The following RAB36 variants were observed in gnomAD, a reference collection of about 807,000 sequenced individuals.
The protein encoded by RAB36 is RAB36, member RAS oncogene family, also known as ras-related protein Rab-36.
Under a neutral mutation model 39.3 loss-of-function variants are expected in RAB36, and 33 were observed. The ratio of observed to expected loss-of-function variants is 0.84; its 90% CI spans 0.64 to 1.12. The LOEUF (loss-of-function observed/expected upper bound fraction) is 1.12, where lower values mean the gene tolerates loss of function less well. Among genes scored for constraint, RAB36 ranks in the 50% most tolerant of loss-of-function variants. The pLI is 0.00. For synonymous variants in RAB36, 133 were observed against 140.2 expected (o/e 0.95, Z 0.36); for missense variants, 308 against 355.3 (o/e 0.87, Z 1.07).
chr22:23,157,441 A>C (rs1292502546), intron 6 of RAB36, among the ~76,000 whole-genome samples: 1 of 151,940 alleles, frequency 6.6e-6, no homozygotes, highest in Non-Finnish European at 1.5e-5. Flanking sequence ...GTGTATTTTT[A>C]GTAGAGACGG....
At chr22:23,145,897 A>C (rs2070743487) in intron 1 of RAB36, 1 of 841,062 alleles carries the variant, frequency 1.2e-6, no homozygotes, top group South Asian at 5.4e-5. Context: ...TTTTCAGGGA[A>C]AAGGCCTAGT....
At chr22:23,154,724 A>G (rs1220709407) in intron 5 of RAB36, among the ~76,000 whole-genome samples, 1 of 152,218 alleles carries the variant, frequency 6.6e-6, no homozygotes, top group Non-Finnish European at 1.5e-5. Flanking sequence ...TCTCTAGGCC[A>G]CCACCACCAG....
In RAB36 at chr22:23,145,506, A is replaced by C; in HGVS notation, c.-58A>C. 2 of 1,606,010 alleles carry C rather than the reference A, an allele frequency of 1.2e-6. No homozygotes were observed. The highest frequency in any genetic ancestry group is 2.2e-5 in the East Asian group (1 of 44,874). ...CCATGGTGATCGCCGCCGCTGGCTC[A>C]GGCGGACCAGGCCGCGCGGAGCCCC... On this transcript the variant is annotated 5_prime_UTR_variant, in exon 1 of 11. Transcript: ENST00000263116.
chr22:23,146,726 A>G, intron 2 of RAB36, 41 bp downstream of exon 2: 1 of 1,607,120 alleles, frequency 6.2e-7, no homozygotes, highest in South Asian at 1.1e-5. Flanking sequence ...CTGGCCCTGC[A>G]GCCACATCAG....
At chr22:23,155,122 C>T (rs2071382261) in intron 5 of RAB36, among the ~76,000 whole-genome samples, 2 of 151,968 alleles carry the variant, frequency 1.3e-5, no homozygotes, top group African/African-American at 4.8e-5. Flanking sequence ...CGAAACTCCA[C>T]CTCAAAAAAA....
At position 23,165,069 on chromosome 22, in the gene RAB36, G is replaced by C. The variant is rs534027915; in HGVS notation, c.*3505G>C. ...GCACTTGATACCTTGAGTGTGATTGGTCACATCTGGGCTTTCTCCCCCACC... is the reference window on the plus strand; with the variant it reads ...GCACTTGATACCTTGAGTGTGATTGCTCACATCTGGGCTTTCTCCCCCACC... On this transcript the variant is annotated 3_prime_UTR_variant, in exon 11 of 11. Transcript: ENST00000263116. 6.6e-6 allele frequency among the ~76,000 whole-genome samples: 1 copy of C among 152,128 alleles called. No homozygotes were observed. Among genetic ancestry groups the C allele is most frequent in the Non-Finnish European group, 1.5e-5 (1 of 68,036 alleles).
At chr22:23,167,876 G>A (rs1203219275), downstream of RAB36, among the ~76,000 whole-genome samples, 3 of 151,654 alleles carry the variant, frequency 2.0e-5, no homozygotes, top group Admixed American at 6.6e-5. Context: ...TTTTTGAGAT[G>A]GGGTCTCGCA....
intron 1 of RAB36, chr22:23,145,817 C>A (rs2070735945): frequency 6.1e-6 from 2 of 329,306 alleles, no homozygotes; most frequent in South Asian, 1.2e-4. Context: ...GGAGAGGAGT[C>A]CGGACAGAAA....
chr22:23,159,282 G>T (rs1166278040), intron 9 of RAB36, 29 bp downstream of exon 9: 1 of 1,552,502 alleles, frequency 6.4e-7, no homozygotes. Context: ...TCACCATGGT[G>T]GGGCAGAGCC....
chr22:23,169,013 G>A (rs12160027), downstream of RAB36, among the ~76,000 whole-genome samples: 755 of 152,214 alleles, frequency 5.0e-3, 7 homozygotes, highest in African/African-American at 0.017. Context: ...CAGCAATTTC[G>A]CCTCCTGTGA....
intron 5 of RAB36, among the ~76,000 whole-genome samples, chr22:23,154,618 T>C (rs2071356504): frequency 6.6e-6 from 1 of 152,122 alleles, no homozygotes; most frequent in Non-Finnish European, 1.5e-5. Flanking sequence ...ACAGGCCATA[T>C]CTCATTAGAG....
rs189513049 is a variant in RAB36 at position 23,157,423 on chromosome 22, T to G, written c.395-569T>G. Among the ~76,000 whole-genome samples the G allele has an allele frequency of 2.9e-3, 439 of 152,032 alleles. 4 individuals are homozygous for G. The highest frequency in any genetic ancestry group is 7.3e-3 in the African/African-American group (301 of 41,452). On this transcript the variant is annotated intron_variant, in intron 6 of 10. Transcript: ENST00000263116. ...CGGCTACCACACCCAGCTAATTTTT[T>G]TGTGTGTGTGTATTTTTAGTAGAGA...
chr22:23,158,971 G>T lies in RAB36; in HGVS notation c.520G>T (p.Asp174Tyr), dbSNP rs1193676565. Residue 174 changes from aspartate to tyrosine, a missense_variant, in exon 8 of 11, where the codon GAC (aspartate) becomes TAC (tyrosine). Coordinates refer to ENST00000263116, the MANE Select transcript of RAB36 (RefSeq NM_004914.5). ...CFIFLVGTKKDLLSGAACEQA... is the reference protein window; with the variant it reads ...CFIFLVGTKKYLLSGAACEQA... ...CATCTTCCTCGTGGGAACCAAGAAG[G>T]ACCTTCTGGTGAGCAGAGTGGCACT... 1.9e-6 allele frequency: 3 copies of T among 1,614,048 alleles called. No homozygotes were observed. The highest frequency in any genetic ancestry group is 4.5e-5 in the East Asian group (2 of 44,896).
chr22:23,158,545 T>G (rs1397030983), intron 7 of RAB36, among the ~76,000 whole-genome samples: 2 of 152,224 alleles, frequency 1.3e-5, no homozygotes, highest in African/African-American at 4.8e-5. Flanking sequence ...TACCTTGGTC[T>G]GGGGCATTCA....
At chr22:23,152,277 C>T (rs774445448) in intron 3 of RAB36, among the ~76,000 whole-genome samples, 184 bp from the exon 4 acceptor site, 29 of 152,194 alleles carry the variant, frequency 1.9e-4, no homozygotes, top group Admixed American at 1.1e-3. Flanking sequence ...GAGTCTCCAG[C>T]CTCTCCCGTC....
In RAB36 at chr22:23,150,007, G is replaced by A. The variant is rs945573909; in HGVS notation, c.70-56G>A. ...TCATCTCCCCTCACTGCTTGGCTAC[G>A]AGGGCGGAGCCACAGCTTTGCAGGA... On this transcript the variant is annotated intron_variant, in intron 2 of 10. Coordinates refer to ENST00000263116, the MANE Select transcript of RAB36 (RefSeq NM_004914.5). 51 of 1,399,852 alleles carry A rather than the reference G, an allele frequency of 3.6e-5. No individual in the cohort carries two copies. In the South Asian group the frequency reaches 4.2e-4, roughly 11 times the overall value. 86.7% of individuals were successfully genotyped at this position (1,399,852 alleles called of 1,614,324 possible). A position where few individuals can be genotyped will look rare whatever the true frequency, so the allele number is the denominator to read the frequency against.
chr22:23,163,019 C>A lies in RAB36; in HGVS notation c.*1455C>A. The A allele has an allele frequency of 3.4e-6, 1 of 292,832 alleles. No individual in the cohort carries two copies. The highest frequency in any genetic ancestry group is 3.1e-5 in the South Asian group (1 of 32,340). 18.1% of individuals were successfully genotyped at this position (292,832 alleles called of 1,614,324 possible). ...CTCTGCCTCCCAGGTTGAAGCGATTCTCCTGCCTCAGCCTCCCAAGTAGCT... is the reference window on the plus strand; with the variant it reads ...CTCTGCCTCCCAGGTTGAAGCGATTATCCTGCCTCAGCCTCCCAAGTAGCT... On this transcript the variant is annotated 3_prime_UTR_variant, in exon 11 of 11. Transcript: ENST00000263116.
rs767337516 is a variant in RAB36, at chr22:23,158,053, G to A, written c.446+10G>A. ...CCCTGGAGCATACCAGGTAAGTCTG[G>A]GCTCTCTGGCCCCTGCAGTCTCCCT... On this transcript the variant is annotated intron_variant, in intron 7 of 10. Transcript: ENST00000263116. 1.9e-6 allele frequency: 3 copies of A among 1,614,068 alleles called. No homozygotes were observed. The highest frequency in any genetic ancestry group is 2.2e-5 in the South Asian group (2 of 91,090).
chr22:23,147,915 C>T (rs1156987574), intron 2 of RAB36, among the ~76,000 whole-genome samples: 2 of 151,856 alleles, frequency 1.3e-5, no homozygotes, highest in African/African-American at 2.4e-5. Flanking sequence ...CAGCACACTC[C>T]GGTGTGTGAA....
Sources: allele counts gnomAD v4.1 joint callset (sites outside exome capture counted in the v4.1 genomes callset), GRCh38; gene constraint gnomAD v4.1.1; transcripts MANE v1.5; gene names NCBI Gene and HGNC (gene_info 2026-07-23, HGNC 2026-07-21).